Variants in CUX1 observed in about 807,000 individuals in gnomAD.
CUX1 encodes the protein protein CASP.
A neutral mutation model predicts 158.8 loss-of-function variants in CUX1; 31 were observed. That is an observed-to-expected ratio of 0.20 (90% CI 0.15 to 0.26). The LOEUF (loss-of-function observed/expected upper bound fraction) is 0.26, where lower values mean the gene tolerates loss of function less well. Ranked by LOEUF, CUX1 falls within the 10% of genes least tolerant of loss-of-function variation. CUX1 has a pLI of 1.00. For synonymous variants in CUX1, 879 were observed against 862.1 expected (o/e 1.02, Z -0.34); for missense variants, 1,589 against 2,014.6 (o/e 0.79, Z 4.04).
intron 2 of CUX1, among the ~76,000 whole-genome samples, chr7:101,973,678 GGAAA>G (rs1812271044): frequency 6.6e-6 from 1 of 151,984 alleles, no homozygotes. Flanking sequence ...GAAAGAAGAG[GGAAA>G]GAAAGTGACA....
At chr7:102,096,165 A>T (rs1554484038) in intron 4 of CUX1, among the ~76,000 whole-genome samples, 1 of 152,220 alleles carries the variant, frequency 6.6e-6, no homozygotes, top group Non-Finnish European at 1.5e-5. Flanking sequence ...GCACTTAGTT[A>T]TCATCAGGAG....
At position 102,274,574 on chromosome 7, in the gene CUX1, C is replaced by A. The variant is rs572218528; in HGVS notation, c.1450+264C>A. On this transcript the variant is annotated intron_variant, in intron 16 of 22. Transcript: ENST00000292538. Reference sequence around the variant, plus strand: ...GAGGCTGCAGTGAGCTATGATGGTGCCACTGCACTCCAGCCTGGGCGACAG... The same window carrying A: ...GAGGCTGCAGTGAGCTATGATGGTGACACTGCACTCCAGCCTGGGCGACAG... 8.5e-5 allele frequency among the ~76,000 whole-genome samples: 13 copies of A among 152,332 alleles called. No homozygotes were observed. In the East Asian group the frequency reaches 2.5e-3, roughly 29 times the overall value.
intron 1 of CUX1, among the ~76,000 whole-genome samples, chr7:101,849,022 T>C (rs1168923920): frequency 5.3e-5 from 8 of 151,962 alleles, no homozygotes; most frequent in Admixed American, 4.6e-4. Flanking sequence ...TTGGCCGAGA[T>C]CTTGAAGACT....
Position 101,872,014 on chromosome 7 carries a change from TCC to T in CUX1, c.31-44096_31-44095del, listed in dbSNP as rs370548688. On this transcript the variant is annotated intron_variant, in intron 1 of 23. Transcript: ENST00000292535. ...GCCTTGGCGACAGAGCGAGACTCCA[TCC>T]CCCCAAAAAAAAAAAAAGAAAAGAA... Among the ~76,000 whole-genome samples, 538 of 109,532 alleles carry T rather than the reference TCC, an allele frequency of 4.9e-3. 5 individuals are homozygous for T. The highest frequency in any genetic ancestry group is 0.011 in the East Asian group (31 of 2,712). 71.9% of individuals were successfully genotyped at this position (109,532 alleles called of 152,430 possible).
intron 6 of CUX1, among the ~76,000 whole-genome samples, chr7:102,105,302 A>G (rs1386979709): frequency 6.6e-6 from 1 of 152,060 alleles, no homozygotes. Flanking sequence ...ATTACCTCAC[A>G]TATCAGGGAG....
chr7:101,892,294 T>C lies in CUX1; in HGVS notation c.31-23821T>C, dbSNP rs981463940. Among the ~76,000 whole-genome samples the C allele has an allele frequency of 3.3e-5, 5 of 152,338 alleles. No individual in the cohort carries two copies. In the East Asian group the frequency reaches 9.6e-4, roughly 29 times the overall value. Reference sequence around the variant, plus strand: ...ATGCTTTAGCACATTTTAAATAAGATTACACAAGCGGCTGTTAGTTGGCAT... The same window carrying C: ...ATGCTTTAGCACATTTTAAATAAGACTACACAAGCGGCTGTTAGTTGGCAT... On this transcript the variant is annotated intron_variant, in intron 1 of 23. Coordinates refer to ENST00000292535, the MANE Select transcript of CUX1 (RefSeq NM_181552.4).
chr7:102,274,370 C>T (rs191750214), intron 16 of CUX1: 1,249 of 1,455,114 alleles, frequency 8.6e-4, no homozygotes, highest in Non-Finnish European at 1.1e-3. Flanking sequence ...ACAGGTGATA[C>T]CGCCTGAGAA....
intron 1 of CUX1, among the ~76,000 whole-genome samples, chr7:101,856,626 C>A (rs773254944): frequency 5.3e-5 from 8 of 152,194 alleles, no homozygotes; most frequent in South Asian, 2.1e-4. Context: ...TTAGTGACTT[C>A]AAAAGCTGTC....
chr7:101,939,849 A>G (rs1807478329), intron 2 of CUX1, among the ~76,000 whole-genome samples: 1 of 152,012 alleles, frequency 6.6e-6, no homozygotes. Flanking sequence ...TTGGGAGGCC[A>G]AGGTGGGTGG....
chr7:102,133,467 CTTTTTT>C (rs11266929), intron 8 of CUX1, among the ~76,000 whole-genome samples: 4 of 90,586 alleles, frequency 4.4e-5, no homozygotes, highest in African/African-American at 9.9e-5. Flanking sequence ...AAAAATACAT[CTTTTTT>C]TTTTTTTTTT....
chr7:102,058,426 C>G (rs866842951), intron 3 of CUX1, among the ~76,000 whole-genome samples: 1 of 151,724 alleles, frequency 6.6e-6, no homozygotes, highest in African/African-American at 2.4e-5. Flanking sequence ...AGGCATGTGC[C>G]ACTACACCTG....
chr7:102,041,480 C>T (rs1698417238), intron 3 of CUX1, among the ~76,000 whole-genome samples: 1 of 151,270 alleles, frequency 6.6e-6, no homozygotes, highest in Non-Finnish European at 1.5e-5. Context: ...TCTTGAACTC[C>T]TGGCCTCAAG....
At chr7:101,858,131 A>G (rs1339148340) in intron 1 of CUX1, among the ~76,000 whole-genome samples, 3 of 152,240 alleles carry the variant, frequency 2.0e-5, no homozygotes, top group African/African-American at 7.2e-5. Flanking sequence ...TCAAAAAAAG[A>G]GAAAACAGAA....
intron 1 of CUX1, among the ~76,000 whole-genome samples, chr7:101,871,736 G>A (rs1325052184): frequency 6.6e-6 from 1 of 152,144 alleles, no homozygotes; most frequent in African/African-American, 2.4e-5. Context: ...AAAATTTGTG[G>A]GCCGGGTGCC....
chr7:102,047,577 T>G (rs1311904430), intron 3 of CUX1, among the ~76,000 whole-genome samples: 19 of 130,144 alleles, frequency 1.5e-4, no homozygotes, highest in African/African-American at 4.2e-4. Context: ...AGTCTAGAGG[T>G]AGGGAGGGAG....
upstream of CUX1, chr7:101,817,493 C>A (rs1165242341): frequency 9.0e-7 from 1 of 1,117,030 alleles, no homozygotes; most frequent in Non-Finnish European, 1.1e-6. The surrounding 1 kb of genome is among the most constrained non-coding windows in gnomAD (Gnocchi z 4.1). Flanking sequence ...GGCTCCCCGG[C>A]CCGCGCCCGA....
chr7:101,965,942 C>T (rs1811151260), intron 2 of CUX1, among the ~76,000 whole-genome samples: 1 of 149,638 alleles, frequency 6.7e-6, no homozygotes, highest in Admixed American at 6.7e-5. Context: ...ATTTAGATTA[C>T]AGTTGGAAAC....
chr7:102,017,830 G>C (rs971500847), intron 2 of CUX1, among the ~76,000 whole-genome samples: 1 of 152,220 alleles, frequency 6.6e-6, no homozygotes, highest in African/African-American at 2.4e-5. Flanking sequence ...CTGGGCAACA[G>C]AGCGAGACTC....
intron 1 of CUX1, among the ~76,000 whole-genome samples, chr7:101,830,751 G>A (rs1430446428): frequency 2.0e-5 from 3 of 152,120 alleles, no homozygotes; most frequent in East Asian, 3.9e-4. Context: ...GAGCCACCAC[G>A]CCTGGCCCAG....
Sources: allele counts gnomAD v4.1 joint callset (sites outside exome capture counted in the v4.1 genomes callset), GRCh38; gene constraint gnomAD v4.1.1; non-coding constraint Gnocchi (gnomAD v3.1); transcripts MANE v1.5; gene names NCBI Gene and HGNC (gene_info 2026-07-23, HGNC 2026-07-21).